Variants in PBRM1 observed in about 807,000 individuals in gnomAD.
PBRM1 encodes the protein protein polybromo-1.
In PBRM1, 27 loss-of-function variants were observed where a neutral mutation model predicts 194.5. That is an observed-to-expected ratio of 0.14 (90% CI 0.10 to 0.19). The LOEUF (loss-of-function observed/expected upper bound fraction) is 0.19. Among genes scored for constraint, PBRM1 ranks in the 10% least tolerant of loss-of-function variants. The pLI is 1.00. For missense variants in PBRM1, 1,466 were observed against 2,077.2 expected, an observed-to-expected ratio of 0.71 and a Z score of 5.72; for synonymous variants, 655 against 693.2, an observed-to-expected ratio of 0.94 and a Z score of 0.87.
At chr3:52,641,233 G>C (rs2096066315) in intron 10 of PBRM1, among the ~76,000 whole-genome samples, 1 of 151,704 alleles carries the variant, frequency 6.6e-6, no homozygotes, top group Non-Finnish European at 1.5e-5. Context: ...TGGATCATGA[G>C]GACAGAAGTT....
At chr3:52,678,134 T>C (rs992508630) in intron 2 of PBRM1, among the ~76,000 whole-genome samples, 26 of 152,118 alleles carry the variant, frequency 1.7e-4, no homozygotes, top group Non-Finnish European at 2.8e-4. Context: ...GGTCATTTTT[T>C]TTGTTTTTGT....
chr3:52,663,054 C>G (rs561916824), intron 3 of PBRM1, among the ~76,000 whole-genome samples: 1 of 151,924 alleles, frequency 6.6e-6, no homozygotes. Flanking sequence ...GTAAAAACAA[C>G]GTTGGATGCA....
chr3:52,650,432 C>G (rs764570872), intron 6 of PBRM1, among the ~76,000 whole-genome samples: 1 of 143,812 alleles, frequency 7.0e-6, no homozygotes, highest in Non-Finnish European at 1.5e-5. Context: ...TTTTATCATT[C>G]TGTGAAAATT....
chr3:52,587,535 G>C (rs201612209), intron 18 of PBRM1, 25 bp from the exon 21 acceptor site: 288 of 1,543,040 alleles, frequency 1.9e-4, no homozygotes, highest in Admixed American at 4.9e-4. Context: ...GTGGGGGAAG[G>C]GGAAGAGAAA....
chr3:52,627,243 G>A (rs1233745158), intron 13 of PBRM1, 30 bp downstream of exon 14: 1 of 1,216,708 alleles, frequency 8.2e-7, no homozygotes, highest in East Asian at 2.3e-5. Flanking sequence ...CAGGAACTGA[G>A]ATGTCCCCAG....
intron 22 of PBRM1, among the ~76,000 whole-genome samples, chr3:52,567,466 TCA>T (rs2085620990): frequency 6.7e-6 from 1 of 149,184 alleles, no homozygotes; most frequent in Admixed American, 6.8e-5. Context: ...GTGTCCTAAT[TCA>T]CAGACTACCC....
chr3:52,566,997 AG>A (rs1284821320), intron 22 of PBRM1, among the ~76,000 whole-genome samples: 1 of 145,076 alleles, frequency 6.9e-6, no homozygotes, highest in Non-Finnish European at 1.5e-5. Context: ...TGAACCTGGG[AG>A]GCGGAGGTTG....
At chr3:52,566,256 G>A (rs1302072982) in intron 22 of PBRM1, among the ~76,000 whole-genome samples, 1 of 152,000 alleles carries the variant, frequency 6.6e-6, no homozygotes, top group East Asian at 1.9e-4. Context: ...GTAAAATGGT[G>A]CAGCTGCTGT....
At chr3:52,602,672 C>G (rs1220662712) in intron 17 of PBRM1, among the ~76,000 whole-genome samples, 2 of 152,202 alleles carry the variant, frequency 1.3e-5, no homozygotes, top group African/African-American at 4.8e-5. Context: ...TTCCCCTCTC[C>G]CCTAAACCCC....
chr3:52,661,285 A>G (rs994169415), intron 4 of PBRM1, among the ~76,000 whole-genome samples: 2 of 152,290 alleles, frequency 1.3e-5, no homozygotes, highest in East Asian at 1.9e-4. Flanking sequence ...TTGGCCTCCC[A>G]AAGTGCTGGG....
chr3:52,663,643 G>A (rs964902734), intron 3 of PBRM1, among the ~76,000 whole-genome samples: 3 of 152,152 alleles, frequency 2.0e-5, no homozygotes, highest in East Asian at 1.9e-4. Flanking sequence ...AAAGAATCAC[G>A]AGAAAGCTAG....
At chr3:52,564,904 T>C (rs764338013) in intron 22 of PBRM1, among the ~76,000 whole-genome samples, 2 of 152,048 alleles carry the variant, frequency 1.3e-5, no homozygotes, top group Non-Finnish European at 2.9e-5. Context: ...CTATCATATA[T>C]AAAAATTAAT....
At chr3:52,664,019 C>T (rs1192838086) in intron 3 of PBRM1, among the ~76,000 whole-genome samples, 11 of 149,294 alleles carry the variant, frequency 7.4e-5, no homozygotes. Context: ...GAGATAGCGC[C>T]ACTGAACTCC....
chr3:52,575,288 T>C (rs2089129432), intron 22 of PBRM1, among the ~76,000 whole-genome samples: 1 of 151,994 alleles, frequency 6.6e-6, no homozygotes, highest in Non-Finnish European at 1.5e-5. Flanking sequence ...CCATAACCTA[T>C]AATAAGTATT....
At chr3:52,584,817 T>G (rs1288052736) in intron 20 of PBRM1, among the ~76,000 whole-genome samples, 1 of 152,200 alleles carries the variant, frequency 6.6e-6, no homozygotes, top group Non-Finnish European at 1.5e-5. Context: ...TTGGCTAATT[T>G]CAAAAAATAT....
chr3:52,573,233 G>C (rs1019112988), intron 22 of PBRM1, among the ~76,000 whole-genome samples: 10 of 151,900 alleles, frequency 6.6e-5, no homozygotes, highest in Admixed American at 1.3e-4. Flanking sequence ...AATTAAATGA[G>C]ATCCTGGATA....
intron 11 of PBRM1, among the ~76,000 whole-genome samples, chr3:52,632,686 C>CT (rs767428790): frequency 0.011 from 1,548 of 138,636 alleles, 6 homozygotes; most frequent in South Asian, 0.015. Context: ...CCACCTTGAC[C>CT]TTTTTTTTTT....
At chr3:52,546,134 T>A (rs1366688871), downstream of PBRM1, 10 of 231,756 alleles carry the variant, frequency 4.3e-5, no homozygotes, top group Non-Finnish European at 7.7e-5. Flanking sequence ...CAGTGAAAAA[T>A]TTTTTTAGAG....
chr3:52,657,027 T>C lies in PBRM1; in HGVS notation c.645+1172A>G, dbSNP rs191705981. ...ACAATATAGATGAATCCTGAACATA[T>C]GCTAAGTGAAATAAGCAGTCACAGG... On this transcript the variant is annotated intron_variant, in intron 5 of 29. Transcript: ENST00000296302. Among the ~76,000 whole-genome samples, 28 of 152,372 alleles carry C rather than the reference T, an allele frequency of 1.8e-4. 1 individual carries two copies. In the South Asian group the frequency reaches 5.6e-3, roughly 30 times the overall value.
Sources: gnomAD v4.1 joint callset for allele counts (sites outside exome capture counted in the v4.1 genomes callset) on GRCh38, gnomAD v4.1.1 for gene constraint, MANE v1.5 for transcripts, NCBI Gene and HGNC (gene_info 2026-07-23, HGNC 2026-07-21) for gene names.